Variants in CEP83 observed in about 807,000 individuals in gnomAD.
The protein encoded by CEP83 is centrosomal protein of 83 kDa.
Under a neutral mutation model 101.9 loss-of-function variants are expected in CEP83, and 70 were observed. The observed-to-expected ratio is 0.69, with a 90% CI of 0.57 to 0.84. The LOEUF is 0.84. CEP83 is among the 40% of genes least tolerant of loss of function. The pLI is 0.00. For synonymous variants in CEP83, 264 were observed against 267.9 expected (o/e 0.99, Z 0.14); for missense variants, 715 against 787.2 (o/e 0.91, Z 1.10).
At chr12:94,391,508 C>T (rs2062532796) in intron 6 of CEP83, among the ~76,000 whole-genome samples, 1 of 152,194 alleles carries the variant, frequency 6.6e-6, no homozygotes, top group African/African-American at 2.4e-5. Context: ...CAACCGGTAT[C>T]AGCCACTGCA....
chr12:94,310,685 C>T (rs1299311722), intron 15 of CEP83, among the ~76,000 whole-genome samples: 1 of 152,152 alleles, frequency 6.6e-6, no homozygotes, highest in Non-Finnish European at 1.5e-5. Context: ...TAGACCCATG[C>T]AGTTCAAGCC....
intron 1 of CEP83, among the ~76,000 whole-genome samples, chr12:94,449,530 TAAATCGC>T (rs2067072987): frequency 6.8e-6 from 1 of 146,770 alleles, no homozygotes; most frequent in Non-Finnish European, 1.5e-5. Flanking sequence ...GCCACGCAGG[TAAATCGC>T]TTGAGCCAAG....
chr12:94,415,788 A>T (rs1348508258), intron 2 of CEP83, among the ~76,000 whole-genome samples: 1 of 152,162 alleles, frequency 6.6e-6, no homozygotes, highest in Non-Finnish European at 1.5e-5. Context: ...TAATGGGACA[A>T]GAAGATTTAA....
the CEP83 span, chr12:94,297,525 GC>G: frequency 1.3e-6 from 1 of 790,386 alleles, no homozygotes; most frequent in Non-Finnish European, 2.1e-6. Context: ...AATCCCTTGT[GC>G]CTTCTAGCAA....
chr12:94,366,870 G>A (rs957296163), intron 11 of CEP83, among the ~76,000 whole-genome samples: 10 of 151,998 alleles, frequency 6.6e-5, no homozygotes, highest in Non-Finnish European at 1.5e-4. Context: ...TAAATGGTGG[G>A]ATTATGTCAA....
At chr12:94,338,523 C>T (rs1207829921) in intron 11 of CEP83, among the ~76,000 whole-genome samples, 1 of 152,030 alleles carries the variant, frequency 6.6e-6, no homozygotes, top group African/African-American at 2.4e-5. Context: ...AAAAGGCATT[C>T]CAGGTTATAT....
intron 7 of CEP83, among the ~76,000 whole-genome samples, chr12:94,376,851 T>C (rs978095465): frequency 1.3e-5 from 2 of 151,876 alleles, no homozygotes; most frequent in Non-Finnish European, 2.9e-5. Context: ...ACAATTCTCC[T>C]GCCTCAGCCT....
intron 1 of CEP83, among the ~76,000 whole-genome samples, chr12:94,447,333 G>A (rs924881615): frequency 6.6e-6 from 1 of 152,104 alleles, no homozygotes; most frequent in East Asian, 1.9e-4. Flanking sequence ...GGGCAACATG[G>A]CAAAACCCCA....
At chr12:94,448,110 G>C (rs1397355583) in intron 1 of CEP83, among the ~76,000 whole-genome samples, 1 of 151,560 alleles carries the variant, frequency 6.6e-6, no homozygotes, top group Non-Finnish European at 1.5e-5. Flanking sequence ...AAATTAAAAG[G>C]ATTTTTTTAA....
At chr12:94,302,385 G>A (rs947797482), downstream of CEP83, among the ~76,000 whole-genome samples, 1 of 148,312 alleles carries the variant, frequency 6.7e-6, no homozygotes, top group Non-Finnish European at 1.5e-5. Flanking sequence ...TTATTCATTC[G>A]ACAAATATGA....
chr12:94,446,213 C>T (rs2066790485), intron 1 of CEP83, among the ~76,000 whole-genome samples: 1 of 152,110 alleles, frequency 6.6e-6, no homozygotes, highest in Admixed American at 6.5e-5. Flanking sequence ...TTTTACTAAT[C>T]TTTCTTAAAC....
At chr12:94,425,813 C>G (rs897258783) in intron 2 of CEP83, among the ~76,000 whole-genome samples, 15 of 152,046 alleles carry the variant, frequency 9.9e-5, no homozygotes, top group Admixed American at 2.6e-4. Flanking sequence ...ATTTTAATAG[C>G]TAATGTGTAT....
At chr12:94,393,340 T>C (rs1285785534) in intron 6 of CEP83, among the ~76,000 whole-genome samples, 3 of 152,154 alleles carry the variant, frequency 2.0e-5, no homozygotes, top group Non-Finnish European at 4.4e-5. Context: ...TCAATAAACA[T>C]AATCCAGCAT....
intron 11 of CEP83, among the ~76,000 whole-genome samples, chr12:94,338,434 A>G (rs1358640938): frequency 6.6e-6 from 1 of 152,208 alleles, no homozygotes; most frequent in East Asian, 1.9e-4. Flanking sequence ...AACTGGAAGC[A>G]CAAACGGGGC....
chr12:94,316,596 C>T (rs1290062496), intron 14 of CEP83, among the ~76,000 whole-genome samples: 1 of 152,044 alleles, frequency 6.6e-6, no homozygotes, highest in Non-Finnish European at 1.5e-5. Context: ...CTCAAGTAGG[C>T]CCCAGTATCT....
chr12:94,446,716 G>T (rs1227586953), intron 1 of CEP83, among the ~76,000 whole-genome samples: 3 of 151,736 alleles, frequency 2.0e-5, no homozygotes, highest in Non-Finnish European at 4.4e-5. Context: ...CAAAGAAAAA[G>T]AAAAATAAAA....
chr12:94,347,068 T>TATATATATATACAC (rs561705061), intron 11 of CEP83, among the ~76,000 whole-genome samples: 1 of 147,416 alleles, frequency 6.8e-6, no homozygotes, highest in Non-Finnish European at 1.5e-5. Flanking sequence ...TATATATATA[T>TATATATATATACAC]ACACATACAC....
At chr12:94,333,385 T>C in intron 13 of CEP83, 97 bp downstream of exon 13, 1 of 1,079,628 alleles carries the variant, frequency 9.3e-7, no homozygotes, top group Non-Finnish European at 1.3e-6. Context: ...TTGTAACTAG[T>C]TTCTAAAATA....
Position 94,308,877 on chromosome 12 carries a change from C to T in CEP83, c.2042G>A (p.Arg681Lys). 1 of 1,612,824 alleles carries T rather than the reference C, an allele frequency of 6.2e-7. No individual in the cohort carries two copies. Among genetic ancestry groups the T allele is most frequent in the Non-Finnish European group, 8.5e-7 (1 of 1,179,026 alleles). ...HQRELSLLRKRLEELETTQRK... is the reference protein window; with the variant it reads ...HQRELSLLRKKLEELETTQRK... ...TTGTGTTGTTTCCAGTTCTTCTAGT[C>T]TTTTGCGAAGTAGAGAGAGTTCCCT... The change falls in exon 17 of 17, where the codon AGA becomes AAA. Residue 681 changes from arginine (R) to lysine (K), a missense_variant. Arg to Lys is a conservative substitution (Grantham distance 26). Coordinates refer to ENST00000397809, the MANE Select transcript of CEP83 (RefSeq NM_016122.3).
Sources: gnomAD v4.1 joint callset for allele counts (sites outside exome capture counted in the v4.1 genomes callset) on GRCh38, gnomAD v4.1.1 for gene constraint, MANE v1.5 for transcripts, NCBI Gene and HGNC (gene_info 2026-07-23, HGNC 2026-07-21) for gene names.